CACNA1A: variants seen among roughly 807,000 people sequenced by gnomAD.
The protein encoded by CACNA1A is calcium voltage-gated channel subunit alpha1 A.
A neutral mutation model predicts 262.4 loss-of-function variants in CACNA1A; 57 were observed. The ratio of observed to expected loss-of-function variants is 0.22; its 90% CI spans 0.18 to 0.27. CACNA1A has a LOEUF of 0.27. Among genes scored for constraint, CACNA1A ranks in the 10% least tolerant of loss-of-function variants. The pLI, the probability that CACNA1A is intolerant of heterozygous loss-of-function variation, is 1.00. For missense variants in CACNA1A, 2,526 were observed against 3,562.8 expected (o/e 0.71, Z 7.41); for synonymous variants, 1,431 against 1,419.3 (o/e 1.01, Z -0.18).
intron 24 of CACNA1A, chr19:13,272,604 GGAGA>G (rs928108663): frequency 8.6e-5 from 13 of 151,830 alleles, no homozygotes; most frequent in African/African-American, 2.4e-4. Flanking sequence ...AGAAAGAGAG[GGAGA>G]GAGAGAGAGA....
intron 1 of CACNA1A, among the ~76,000 whole-genome samples, chr19:13,477,541 T>C (rs1978696717): frequency 6.6e-6 from 1 of 152,212 alleles, no homozygotes; most frequent in African/African-American, 2.4e-5. Flanking sequence ...TAATCAGGTA[T>C]GCAGCAGCAA....
intron 28 of CACNA1A, chr19:13,256,941 A>C (rs994660570): frequency 6.2e-6 from 1 of 161,796 alleles, no homozygotes; most frequent in African/African-American, 2.4e-5. Context: ...AGCCTGAAGA[A>C]CTGAACCTCA....
In CACNA1A at chr19:13,359,609, G is replaced by T; in HGVS notation, c.975C>A (p.Tyr325Ter). Residue 325 changes from tyrosine to a stop codon, truncating the protein, a stop_gained, in exon 6 of 47, where the codon TAC becomes TAA. Coordinates refer to ENST00000360228, the MANE Select transcript of CACNA1A (RefSeq NM_001127222.2). LOFTEE classifies it high-confidence loss of function. ...ITMEGWTDLL[Y>*]NSNDASGNTW... ...ACACTGTCCCAGCATCACTTACATT[G>T]TAGAGGAGATCAGTCCACCCTTCCA... The T allele has an allele frequency of 6.2e-7, 1 of 1,608,314 alleles. No individual in the cohort carries two copies.
chr19:13,420,207 G>C (rs1158306644), intron 3 of CACNA1A, among the ~76,000 whole-genome samples: 1 of 151,800 alleles, frequency 6.6e-6, no homozygotes, highest in Non-Finnish European at 1.5e-5. Context: ...ATAAAGTTAT[G>C]TGGAATTCAG....
Position 13,214,841 on chromosome 19 carries a change from AC to A in CACNA1A, c.5732-234del. 1 of 534,048 alleles carries A rather than the reference AC, an allele frequency of 1.9e-6. No individual in the cohort carries two copies. The highest frequency in any genetic ancestry group is 3.3e-6 in the Non-Finnish European group (1 of 299,356). 33.1% of individuals were successfully genotyped at this position (534,048 alleles called of 1,614,324 possible). A position where few individuals can be genotyped will look rare whatever the true frequency, so the allele number is the denominator to read the frequency against. ...GGACCATGGAGCAGCTGTGCAGGAG[AC>A]AGCCCGGCATGGAGAACAGCTGGGC... On this transcript the variant is annotated intron_variant, in intron 38 of 46. Transcript: ENST00000360228. This position sits in a 1 kb window ranked among gnomAD's most constrained non-coding sequence, Gnocchi z 4.1.
At chr19:13,402,398 G>A (rs1454360240) in intron 3 of CACNA1A, among the ~76,000 whole-genome samples, 1 of 152,072 alleles carries the variant, frequency 6.6e-6, no homozygotes, top group African/African-American at 2.4e-5. Context: ...AAGAGTAGGA[G>A]GTGAGCACTG....
Position 13,207,696 on chromosome 19 carries a change from G to A in CACNA1A, c.7138C>T (p.Pro2380Ser), listed in dbSNP as rs2054617581. 1 of 1,389,966 alleles carries A rather than the reference G, an allele frequency of 7.2e-7. No homozygotes were observed. Among genetic ancestry groups the A allele is most frequent in the Non-Finnish European group, 9.3e-7 (1 of 1,073,388 alleles). 86.1% of individuals were successfully genotyped at this position (1,389,966 alleles called of 1,614,324 possible). A position where few individuals can be genotyped will look rare whatever the true frequency, so the allele number is the denominator to read the frequency against. The stretch of plus-strand genomic sequence containing the variant: ...GCCCCGCCGTGTCGACAGGCCCTGG[G>A]GGACTCGCTCCGGGCCGGGCCTGGG... ...RVPGPARSESPRACRHGGARW... is the reference protein window; with the variant it reads ...RVPGPARSESSRACRHGGARW... Residue 2380 changes from proline to serine, a missense_variant, in exon 47 of 47, where the codon CCC becomes TCC. Around this residue, in one of 17 missense-constraint regions of CACNA1A, gnomAD observed 929 missense variants for 868.1 expected, o/e 1.07. Coordinates refer to ENST00000360228, the MANE Select transcript of CACNA1A (RefSeq NM_001127222.2). The surrounding 1 kb of genome is among the most constrained non-coding windows in gnomAD (Gnocchi z 5.7).
intron 1 of CACNA1A, among the ~76,000 whole-genome samples, chr19:13,476,486 C>T (rs1978554675): frequency 6.6e-6 from 1 of 152,202 alleles, no homozygotes; most frequent in Non-Finnish European, 1.5e-5. Flanking sequence ...CACCACCTGT[C>T]TGCCTAGAAA....
chr19:13,326,621 A>C (rs974258130), intron 10 of CACNA1A, among the ~76,000 whole-genome samples: 6 of 151,898 alleles, frequency 4.0e-5, no homozygotes, highest in African/African-American at 1.4e-4. Flanking sequence ...TCCCATCTCT[A>C]GTAAAAAATA....
At chr19:13,230,996 T>G (rs1249138919) in intron 35 of CACNA1A, among the ~76,000 whole-genome samples, 3 of 131,860 alleles carry the variant, frequency 2.3e-5, no homozygotes, top group Non-Finnish European at 4.9e-5. Flanking sequence ...TGTTTTTTTT[T>G]TTTTTGTTTG....
intron 3 of CACNA1A, among the ~76,000 whole-genome samples, chr19:13,440,631 G>A (rs1221388202): frequency 6.6e-6 from 1 of 152,138 alleles, no homozygotes; most frequent in Non-Finnish European, 1.5e-5. Flanking sequence ...TGAGGTAGGT[G>A]CAATTATTAT....
intron 10 of CACNA1A, among the ~76,000 whole-genome samples, chr19:13,324,339 ATCG>A (rs2058311435): frequency 6.6e-6 from 1 of 152,188 alleles, no homozygotes; most frequent in African/African-American, 2.4e-5. Context: ...ATTGCATTGC[ATCG>A]CATTTAGTGA....
At chr19:13,482,235 C>T (rs527520548) in intron 1 of CACNA1A, among the ~76,000 whole-genome samples, 202 of 152,184 alleles carry the variant, frequency 1.3e-3, no homozygotes, top group Non-Finnish European at 2.5e-3. Flanking sequence ...TCTGTAATCC[C>T]AGCATTTTGG....
chr19:13,282,783 GT>G (rs1369881518), intron 22 of CACNA1A, among the ~76,000 whole-genome samples: 2 of 152,102 alleles, frequency 1.3e-5, no homozygotes, highest in Non-Finnish European at 2.9e-5. Flanking sequence ...AACAGGGGTT[GT>G]CAACAGACCC....
intron 1 of CACNA1A, among the ~76,000 whole-genome samples, chr19:13,498,921 C>T (rs886101854): frequency 1.2e-4 from 19 of 152,104 alleles, no homozygotes; most frequent in Admixed American, 5.9e-4. Context: ...GAAGGGTCAC[C>T]CTACTCAGAT....
intron 3 of CACNA1A, among the ~76,000 whole-genome samples, chr19:13,427,388 G>A (rs917484548): frequency 1.3e-5 from 2 of 152,108 alleles, no homozygotes; most frequent in South Asian, 2.1e-4. Flanking sequence ...GGAGGCGGAG[G>A]TTGCAGTGAG....
At chr19:13,277,754 TGA>T (rs2057184871) in intron 22 of CACNA1A, 1 of 152,464 alleles carries the variant, frequency 6.6e-6, no homozygotes, top group African/African-American at 2.4e-5. Context: ...GGCCTGAAGA[TGA>T]GGGTGCGCCG....
rs775787236 is a variant in CACNA1A at position 13,262,773 on chromosome 19, T to C, written c.4050A>G (p.Leu1350=). 3 of 1,613,544 alleles carry C rather than the reference T, an allele frequency of 1.9e-6. No homozygotes were observed. The highest frequency in any genetic ancestry group is 2.7e-5 in the African/African-American group (2 of 74,934). Reference sequence around the variant, plus strand: ...GCCGCTTGATGGTTTTAAGAGGTCGTAGCACCCGGAGGACTCGGAGGGATT... The same window carrying C: ...GCCGCTTGATGGTTTTAAGAGGTCGCAGCACCCGGAGGACTCGGAGGGATT... The part of the protein sequence containing the change: ...TIKSLRVLRV[L]RPLKTIKRLP... Residue 1350 remains leucine, a synonymous_variant, in exon 25 of 47, where the codon CTA becomes CTG. Coordinates refer to ENST00000360228, the MANE Select transcript of CACNA1A (RefSeq NM_001127222.2).
At chr19:13,244,201 C>G (rs1251379362) in intron 31 of CACNA1A, 1 of 152,198 alleles carries the variant, frequency 6.6e-6, no homozygotes, top group Non-Finnish European at 1.5e-5. Context: ...TGGGTGGTCG[C>G]TGGACACCTT....
Sources: allele counts gnomAD v4.1 joint callset (sites outside exome capture counted in the v4.1 genomes callset), GRCh38; gene constraint gnomAD v4.1.1; regional missense constraint gnomAD v4.1.1; non-coding constraint Gnocchi (gnomAD v3.1); transcripts MANE v1.5; gene names NCBI Gene and HGNC (gene_info 2026-07-23, HGNC 2026-07-21).